Variants in CYTH3 observed in about 807,000 individuals in gnomAD.
The protein encoded by CYTH3 is cytohesin-3.
CYTH3 carries 23 observed loss-of-function variants against 55.1 expected under a neutral mutation model. That is an observed-to-expected ratio of 0.42 (90% CI 0.30 to 0.59). The LOEUF (loss-of-function observed/expected upper bound fraction) is 0.59. CYTH3 is among the 20% of genes least tolerant of loss of function. The probability of loss-of-function intolerance (pLI) is 0.20; values close to 1 mark genes in which losing one functional copy is unlikely to be tolerated. For missense variants in CYTH3, 413 were observed against 524.8 expected (o/e 0.79, Z 2.08); for synonymous variants, 249 against 194.9 (o/e 1.28, Z -2.31).
At position 6,215,144 on chromosome 7, in the gene CYTH3, G is replaced by A. The variant is rs139902170; in HGVS notation, c.35-24613C>T. Among the ~76,000 whole-genome samples, 1,297 of 152,298 alleles carry A rather than the reference G, an allele frequency of 8.5e-3. 17 individuals carry two copies. Among genetic ancestry groups the A allele is most frequent in the African/African-American group, 0.03 (1,231 of 41,558 alleles). On this transcript the variant is annotated intron_variant, in intron 1 of 12. Coordinates refer to ENST00000350796, the MANE Select transcript of CYTH3 (RefSeq NM_004227.4). Reference sequence around the variant, plus strand: ...TTAAAACGCCACTCCACAACATGGAGCACATGAGAGTTGACAAGGAAAATC... The same window carrying A: ...TTAAAACGCCACTCCACAACATGGAACACATGAGAGTTGACAAGGAAAATC...
intron 9 of CYTH3, among the ~76,000 whole-genome samples, chr7:6,168,231 T>C (rs1272563373): frequency 6.6e-6 from 1 of 151,420 alleles, no homozygotes; most frequent in Non-Finnish European, 1.5e-5. Context: ...TTTTTTTTTT[T>C]TTTTTTTTCT....
At chr7:6,250,553 A>G (rs577027263) in intron 1 of CYTH3, among the ~76,000 whole-genome samples, 1 of 152,310 alleles carries the variant, frequency 6.6e-6, no homozygotes, top group Admixed American at 6.5e-5. Context: ...AAAATGACTC[A>G]TGCCACAACA....
At chr7:6,248,046 T>C (rs768646510) in intron 1 of CYTH3, among the ~76,000 whole-genome samples, 7 of 152,076 alleles carry the variant, frequency 4.6e-5, no homozygotes, top group Non-Finnish European at 1.5e-5. Flanking sequence ...TTTGTGTTTC[T>C]TGAAGTTTAT....
chr7:6,245,444 T>C (rs1368120472), intron 1 of CYTH3, among the ~76,000 whole-genome samples: 1 of 152,160 alleles, frequency 6.6e-6, no homozygotes, highest in Non-Finnish European at 1.5e-5. Flanking sequence ...CACACTGCTC[T>C]CTACTTTCTT....
chr7:6,253,524 A>T (rs1055083140), intron 1 of CYTH3, among the ~76,000 whole-genome samples: 11 of 152,080 alleles, frequency 7.2e-5, no homozygotes, highest in African/African-American at 2.7e-4. Context: ...AACACATTTT[A>T]AAATTAAAAA....
chr7:6,168,616 G>A (rs1783080920), intron 9 of CYTH3, among the ~76,000 whole-genome samples: 3 of 152,146 alleles, frequency 2.0e-5, no homozygotes, highest in Admixed American at 1.3e-4. Flanking sequence ...ACGCCAGCTG[G>A]ACCAGCCCCT....
intron 1 of CYTH3, among the ~76,000 whole-genome samples, chr7:6,238,501 C>A (rs1488800251): frequency 1.3e-5 from 2 of 152,158 alleles, no homozygotes; most frequent in African/African-American, 2.4e-5. Flanking sequence ...AAATACATTA[C>A]AGATAATGTC....
At chr7:6,200,757 T>C (rs1018952090) in intron 1 of CYTH3, among the ~76,000 whole-genome samples, 3 of 152,134 alleles carry the variant, frequency 2.0e-5, no homozygotes, top group African/African-American at 7.2e-5. Flanking sequence ...TATCCAGCAA[T>C]TTAAACTGGT....
chr7:6,185,550 A>G (rs567100606), intron 4 of CYTH3, among the ~76,000 whole-genome samples: 1 of 152,082 alleles, frequency 6.6e-6, no homozygotes, highest in Non-Finnish European at 1.5e-5. Flanking sequence ...AATACAAAAA[A>G]TTAGCCGGGC....
intron 6 of CYTH3, chr7:6,172,980 T>A: frequency 1.8e-6 from 2 of 1,108,074 alleles, no homozygotes; most frequent in Non-Finnish European, 2.2e-6. Flanking sequence ...TTTGAGAAGA[T>A]GACGAGGTGC....
intron 1 of CYTH3, among the ~76,000 whole-genome samples, chr7:6,243,205 C>T (rs1259606232): frequency 6.6e-6 from 1 of 152,206 alleles, no homozygotes; most frequent in Non-Finnish European, 1.5e-5. Context: ...TTCTCACCTC[C>T]AGGCATAAGA....
chr7:6,235,635 G>T (rs1200599514), intron 1 of CYTH3, among the ~76,000 whole-genome samples: 1 of 152,090 alleles, frequency 6.6e-6, no homozygotes, highest in African/African-American at 2.4e-5. Flanking sequence ...CTTATACACG[G>T]GAGTCGTTAG....
chr7:6,210,143 G>A (rs556726307), intron 1 of CYTH3, among the ~76,000 whole-genome samples: 16 of 152,154 alleles, frequency 1.1e-4, no homozygotes, highest in African/African-American at 3.9e-4. Flanking sequence ...TTTATCCATT[G>A]TAAGAAATGC....
intron 1 of CYTH3, among the ~76,000 whole-genome samples, chr7:6,239,214 C>G (rs989634177): frequency 6.6e-6 from 1 of 152,042 alleles, no homozygotes; most frequent in African/African-American, 2.4e-5. Flanking sequence ...CTTTATACTT[C>G]ATCAAGACAA....
intron 1 of CYTH3, among the ~76,000 whole-genome samples, chr7:6,215,323 G>C (rs1583169136): frequency 6.6e-6 from 1 of 152,214 alleles, no homozygotes; most frequent in African/African-American, 2.4e-5. Context: ...AGGTGCGGTG[G>C]CTCACGCCTG....
At chr7:6,234,983 T>C (rs1435927291) in intron 1 of CYTH3, among the ~76,000 whole-genome samples, 1 of 152,220 alleles carries the variant, frequency 6.6e-6, no homozygotes, top group East Asian at 1.9e-4. Context: ...CTCACTTCAG[T>C]GCCTTGCATC....
At chr7:6,271,119 G>A (rs1780639064) in intron 1 of CYTH3, among the ~76,000 whole-genome samples, 1 of 152,086 alleles carries the variant, frequency 6.6e-6, no homozygotes, top group Admixed American at 6.5e-5. Flanking sequence ...CTGACTGTAG[G>A]AGGGTTCGCA....
chr7:6,221,455 T>C (rs1049599221), intron 1 of CYTH3, among the ~76,000 whole-genome samples: 3 of 152,208 alleles, frequency 2.0e-5, no homozygotes, highest in Non-Finnish European at 4.4e-5. Flanking sequence ...GGAGGGAGCC[T>C]GATAACTTTG....
At chr7:6,230,017 C>T (rs938814495) in intron 1 of CYTH3, among the ~76,000 whole-genome samples, 1 of 151,738 alleles carries the variant, frequency 6.6e-6, no homozygotes, top group Non-Finnish European at 1.5e-5. Context: ...ACCTGTAATC[C>T]CAGCTACTCA....
Sources: gnomAD v4.1 joint callset for allele counts (sites outside exome capture counted in the v4.1 genomes callset) on GRCh38, gnomAD v4.1.1 for gene constraint, MANE v1.5 for transcripts, NCBI Gene and HGNC (gene_info 2026-07-23, HGNC 2026-07-21) for gene names.